AFAP1L2: variants seen among roughly 807,000 people sequenced by gnomAD.
AFAP1L2 encodes actin filament associated protein 1 like 2.
Under a neutral mutation model 99.3 loss-of-function variants are expected in AFAP1L2, and 46 were observed. The ratio of observed to expected loss-of-function variants is 0.46; its 90% CI spans 0.37 to 0.59. AFAP1L2 has a LOEUF of 0.59. Among genes scored for constraint, AFAP1L2 ranks in the 20% least tolerant of loss-of-function variants. The pLI, the probability that AFAP1L2 is intolerant of heterozygous loss-of-function variation, is 0.00. For missense variants in AFAP1L2, 959 were observed against 1,034.9 expected (o/e 0.93, Z 1.01); for synonymous variants, 397 against 419.1 (o/e 0.95, Z 0.64).
intron 7 of AFAP1L2, among the ~76,000 whole-genome samples, chr10:114,313,151 G>A (rs770360573): frequency 1.3e-5 from 2 of 152,058 alleles, no homozygotes; most frequent in Non-Finnish European, 2.9e-5. Flanking sequence ...GCAGCAGGAA[G>A]GAGGGGAAGG....
chr10:114,396,449 T>A (rs901521883), intron 1 of AFAP1L2, among the ~76,000 whole-genome samples: 1 of 152,226 alleles, frequency 6.6e-6, no homozygotes, highest in Non-Finnish European at 1.5e-5. Context: ...TGCCCTTGCA[T>A]CAGAAGGCTT....
intron 2 of AFAP1L2, among the ~76,000 whole-genome samples, chr10:114,335,194 C>A (rs569702109): frequency 8.5e-5 from 13 of 152,200 alleles, no homozygotes; most frequent in Non-Finnish European, 1.8e-4. Flanking sequence ...TTTTTGTGTT[C>A]ATATTCTTTG....
upstream of AFAP1L2, among the ~76,000 whole-genome samples, chr10:114,405,144 T>C (rs2058591646): frequency 6.6e-6 from 1 of 152,230 alleles, no homozygotes. Context: ...TGCTGCTTTC[T>C]ACCTGAATTT....
intron 8 of AFAP1L2, among the ~76,000 whole-genome samples, chr10:114,309,907 C>G (rs898332870): frequency 2.0e-5 from 3 of 152,064 alleles, no homozygotes; most frequent in African/African-American, 7.2e-5. Flanking sequence ...TCCTCTTTTC[C>G]AAGCAGTGTA....
At chr10:114,339,376 G>C (rs954349893) in intron 2 of AFAP1L2, among the ~76,000 whole-genome samples, 3 of 152,232 alleles carry the variant, frequency 2.0e-5, no homozygotes, top group Admixed American at 6.5e-5. Flanking sequence ...GAACCCGGAA[G>C]GCGGAGCTTA....
At chr10:114,326,067 A>G (rs1327988610) in intron 4 of AFAP1L2, 2 of 1,282,060 alleles carry the variant, frequency 1.6e-6, no homozygotes, top group East Asian at 1.1e-4. Context: ...CAAAGGGAGG[A>G]GTGAACCCTT....
chr10:114,298,758 TG>T (rs1286696553), intron 16 of AFAP1L2, among the ~76,000 whole-genome samples: 1 of 152,226 alleles, frequency 6.6e-6, no homozygotes, highest in African/African-American at 2.4e-5. Flanking sequence ...GAGTGTGATT[TG>T]GAAGATAATC....
intron 1 of AFAP1L2, among the ~76,000 whole-genome samples, chr10:114,383,942 C>T (rs2056094470): frequency 6.6e-6 from 1 of 152,222 alleles, no homozygotes; most frequent in South Asian, 2.1e-4. Context: ...TCCCCTCCCA[C>T]CTCCAACCTC....
intron 10 of AFAP1L2, among the ~76,000 whole-genome samples, chr10:114,307,028 CT>C (rs1168350719): frequency 6.6e-6 from 1 of 152,134 alleles, no homozygotes; most frequent in Non-Finnish European, 1.5e-5. Flanking sequence ...CTTCAGGCCC[CT>C]GGAAGGATGA....
At chr10:114,359,320 G>A (rs891336935) in intron 1 of AFAP1L2, among the ~76,000 whole-genome samples, 10 of 152,198 alleles carry the variant, frequency 6.6e-5, no homozygotes, top group Non-Finnish European at 1.5e-4. Flanking sequence ...GTATTCAAAA[G>A]GCTATATGAC....
chr10:114,313,272 C>T (rs2043549540), intron 7 of AFAP1L2, among the ~76,000 whole-genome samples: 1 of 152,132 alleles, frequency 6.6e-6, no homozygotes, highest in South Asian at 2.1e-4. Context: ...AAGCATCAAG[C>T]CCAGCTTTCA....
intron 1 of AFAP1L2, among the ~76,000 whole-genome samples, chr10:114,383,948 A>G (rs762903887): frequency 2.6e-5 from 4 of 151,872 alleles, no homozygotes; most frequent in Non-Finnish European, 5.9e-5. Flanking sequence ...CCCACCTCCA[A>G]CCTCGTCACA....
At chr10:114,394,313 A>G (rs1219107549) in intron 1 of AFAP1L2, among the ~76,000 whole-genome samples, 1 of 152,164 alleles carries the variant, frequency 6.6e-6, no homozygotes, top group African/African-American at 2.4e-5. Context: ...GGAGGGAGTA[A>G]GATACTGAGA....
At chr10:114,357,753 C>T (rs1481111361) in intron 1 of AFAP1L2, among the ~76,000 whole-genome samples, 2 of 152,198 alleles carry the variant, frequency 1.3e-5, no homozygotes, top group Admixed American at 1.3e-4. Flanking sequence ...CTGTGTCCCT[C>T]AAATAGGGTG....
At position 114,296,134 on chromosome 10, in the gene AFAP1L2, C is replaced by A; in HGVS notation, c.2431-66G>T. 4.4e-6 allele frequency: 7 copies of A among 1,604,772 alleles called. No individual in the cohort carries two copies. The South Asian group carries it at 5.5e-5, about 13-fold the overall frequency. On this transcript the variant is annotated intron_variant, in intron 18 of 18. Transcript: ENST00000304129. Reference sequence around the variant, plus strand: ...AAAGATAGTTAGTTATCCACTGTAGCAACCTTGATATACATAGAAAAAATG... The same window carrying A: ...AAAGATAGTTAGTTATCCACTGTAGAAACCTTGATATACATAGAAAAAATG...
At chr10:114,334,354 T>C (rs1417638819) in intron 2 of AFAP1L2, among the ~76,000 whole-genome samples, 3 of 152,220 alleles carry the variant, frequency 2.0e-5, no homozygotes, top group Non-Finnish European at 4.4e-5. Flanking sequence ...TCCTCTTGAA[T>C]TTCTTCTGCA....
chr10:114,322,646 A>G (rs766399592), intron 5 of AFAP1L2, among the ~76,000 whole-genome samples: 17 of 152,104 alleles, frequency 1.1e-4, no homozygotes, highest in Non-Finnish European at 2.4e-4. Flanking sequence ...CCACCGACAC[A>G]TGCTGTTTAT....
chr10:114,281,506 C>T, the AFAP1L2 span, among the ~76,000 whole-genome samples: 6 of 152,246 alleles, frequency 3.9e-5, no homozygotes, highest in Non-Finnish European at 1.5e-5. Flanking sequence ...ACCATCTCTT[C>T]AGGTAGCTGT....
intron 1 of AFAP1L2, among the ~76,000 whole-genome samples, chr10:114,341,482 G>C (rs758114412): frequency 6.6e-6 from 1 of 151,892 alleles, no homozygotes; most frequent in East Asian, 1.9e-4. Flanking sequence ...GCATGGTGGC[G>C]TGCACCTGTG....
Sources: gnomAD v4.1 joint callset for allele counts (sites outside exome capture counted in the v4.1 genomes callset) on GRCh38, gnomAD v4.1.1 for gene constraint, MANE v1.5 for transcripts, NCBI Gene and HGNC (gene_info 2026-07-23, HGNC 2026-07-21) for gene names.